BORCS5: variants seen among roughly 807,000 people sequenced by gnomAD.
The protein encoded by BORCS5 is BLOC-1 related complex subunit 5.
Under a neutral mutation model 22.1 loss-of-function variants are expected in BORCS5, and 17 were observed. The ratio of observed to expected loss-of-function variants is 0.77; its 90% CI spans 0.53 to 1.15. The LOEUF is 1.15. Among genes scored for constraint, BORCS5 ranks in the 50% most tolerant of loss-of-function variants. The pLI is 0.00. For synonymous variants in BORCS5, 117 were observed against 99.8 expected, an observed-to-expected ratio of 1.17 and a Z score of -1.03; for missense variants, 247 against 253.2, an observed-to-expected ratio of 0.98 and a Z score of 0.17.
chr12:12,385,794 C>T lies in BORCS5; in HGVS notation c.202+24445C>T, dbSNP rs554695504. ...AAGTGTTGGGATTACAGGCGTGAGC[C>T]GCCACACTTGGCCAAGTTCATTCAT... On this transcript the variant is annotated intron_variant, in intron 2 of 3. Transcript: ENST00000314565. Among the ~76,000 whole-genome samples, 6 of 151,438 alleles carry T rather than the reference C, an allele frequency of 4.0e-5. 1 individual carries two copies. The highest frequency in any genetic ancestry group is 9.7e-5 in the African/African-American group (4 of 41,300).
At chr12:12,447,187 G>A (rs1273358775) in intron 3 of BORCS5, among the ~76,000 whole-genome samples, 4 of 152,148 alleles carry the variant, frequency 2.6e-5, no homozygotes, top group South Asian at 2.1e-4. Context: ...TGCAAAATCC[G>A]TGAAATTCAC....
chr12:12,456,176 G>A (rs537515118), intron 3 of BORCS5, among the ~76,000 whole-genome samples: 11 of 152,334 alleles, frequency 7.2e-5, no homozygotes, highest in African/African-American at 2.6e-4. Context: ...GATCATGCCT[G>A]TAATCCCAAC....
intron 2 of BORCS5, among the ~76,000 whole-genome samples, chr12:12,395,362 A>G (rs1941308860): frequency 6.6e-6 from 1 of 151,274 alleles, no homozygotes; most frequent in Non-Finnish European, 1.5e-5. Flanking sequence ...TCCGCTTCCC[A>G]GGTTCAAATG....
chr12:12,463,144 C>T (rs1029818206), intron 3 of BORCS5, among the ~76,000 whole-genome samples: 8 of 152,154 alleles, frequency 5.3e-5, no homozygotes, highest in Admixed American at 3.9e-4. Context: ...GTGTGAGATA[C>T]TGGTTTACTG....
chr12:12,464,625 T>C (rs1943166679), intron 3 of BORCS5, among the ~76,000 whole-genome samples: 1 of 151,970 alleles, frequency 6.6e-6, no homozygotes, highest in African/African-American at 2.4e-5. Flanking sequence ...GGGGTGGAAG[T>C]GGGGTCCATG....
At chr12:12,434,112 G>T (rs899774584) in intron 2 of BORCS5, among the ~76,000 whole-genome samples, 1 of 151,850 alleles carries the variant, frequency 6.6e-6, no homozygotes. Flanking sequence ...GCAAAACCCT[G>T]TCTCTACTAA....
At chr12:12,384,272 G>A (rs968896854) in intron 2 of BORCS5, among the ~76,000 whole-genome samples, 3 of 150,768 alleles carry the variant, frequency 2.0e-5, no homozygotes, top group Non-Finnish European at 4.4e-5. Context: ...GTGAGCCACC[G>A]TGCCTGGCCT....
chr12:12,438,385 A>AAAAAAAAACAC (rs1555156048), intron 3 of BORCS5, among the ~76,000 whole-genome samples: 7 of 126,138 alleles, frequency 5.5e-5, no homozygotes, highest in African/African-American at 2.3e-4. Context: ...AAAAAACGAA[A>AAAAAAAAACAC]AACAACAACA....
intron 3 of BORCS5, among the ~76,000 whole-genome samples, chr12:12,442,360 A>C (rs1317154811): frequency 1.3e-5 from 2 of 152,200 alleles, no homozygotes; most frequent in African/African-American, 4.8e-5. Context: ...CTTTGTAACT[A>C]AGATAAAGCC....
intron 2 of BORCS5, among the ~76,000 whole-genome samples, chr12:12,423,438 CTTTTTTT>C (rs939681383): frequency 7.0e-5 from 4 of 57,254 alleles, no homozygotes; most frequent in African/African-American, 2.6e-4. Context: ...ACTCCCTCAG[CTTTTTTT>C]TTTTTTTTTT....
intron 3 of BORCS5, 70 bp from the exon 4 acceptor site, chr12:12,465,476 C>G (rs1943183261): frequency 7.4e-7 from 1 of 1,352,850 alleles, no homozygotes; most frequent in East Asian, 2.4e-5. Context: ...CCCTCACAGG[C>G]TGGACACCCG....
chr12:12,357,748 C>A (rs1426273590), intron 1 of BORCS5, among the ~76,000 whole-genome samples: 1 of 152,206 alleles, frequency 6.6e-6, no homozygotes, highest in East Asian at 1.9e-4. Context: ...TCAAAACAGC[C>A]GTTTCTCCCA....
intron 3 of BORCS5, among the ~76,000 whole-genome samples, chr12:12,460,078 C>T (rs1005933987): frequency 1.3e-5 from 2 of 152,196 alleles, no homozygotes; most frequent in Non-Finnish European, 2.9e-5. Flanking sequence ...ACTTGGATTG[C>T]AAATGAACCT....
chr12:12,413,923 C>T (rs1330920399), intron 2 of BORCS5, among the ~76,000 whole-genome samples: 5 of 53,108 alleles, frequency 9.4e-5, no homozygotes, highest in Non-Finnish European at 1.9e-4. Context: ...GGCGGCTGGC[C>T]GGGCGGGGGG....
At chr12:12,371,403 C>T (rs1863525637) in intron 2 of BORCS5, among the ~76,000 whole-genome samples, 1 of 152,182 alleles carries the variant, frequency 6.6e-6, no homozygotes, top group South Asian at 2.1e-4. Context: ...AGGAATCCTC[C>T]TACCTCAGCC....
chr12:12,462,285 C>A (rs935233465), intron 3 of BORCS5, among the ~76,000 whole-genome samples: 4 of 152,200 alleles, frequency 2.6e-5, no homozygotes, highest in Non-Finnish European at 5.9e-5. Context: ...ATCCCCACTA[C>A]CTTGCAGATG....
chr12:12,370,598 A>G (rs2136028004), intron 2 of BORCS5, among the ~76,000 whole-genome samples: 1 of 152,254 alleles, frequency 6.6e-6, no homozygotes, highest in South Asian at 2.1e-4. Flanking sequence ...TAGGTTTCTC[A>G]TCTCCCCATT....
In BORCS5 at chr12:12,469,830, T is replaced by A. The variant is rs1943261270; in HGVS notation, c.*4054T>A. The A allele has an allele frequency of 1.3e-5, 2 of 152,256 alleles. No homozygotes were observed. Among genetic ancestry groups the A allele is most frequent in the Admixed American group, 1.3e-4 (2 of 15,290 alleles). 9.4% of individuals were successfully genotyped at this position (152,256 alleles called of 1,614,324 possible). On this transcript the variant is annotated 3_prime_UTR_variant, in exon 4 of 4. Coordinates refer to ENST00000314565, the MANE Select transcript of BORCS5 (RefSeq NM_058169.6). ...AATGAAAACTTTTCTTCTTGTGGAC[T>A]TTTTAGGTATGAAATTTAATCACGA...
At chr12:12,445,042 A>G (rs538878721) in intron 3 of BORCS5, among the ~76,000 whole-genome samples, 3 of 152,244 alleles carry the variant, frequency 2.0e-5, no homozygotes, top group East Asian at 1.9e-4. Flanking sequence ...CGGCCGAACA[A>G]TCTTGTTTTA....
Sources: gnomAD v4.1 joint callset for allele counts (sites outside exome capture counted in the v4.1 genomes callset) on GRCh38, gnomAD v4.1.1 for gene constraint, MANE v1.5 for transcripts, NCBI Gene and HGNC (gene_info 2026-07-23, HGNC 2026-07-21) for gene names.